The following PLEKHH2 variants were observed in gnomAD, a reference collection of about 807,000 sequenced individuals.
PLEKHH2 encodes the protein pleckstrin homology domain-containing family H member 2.
Under a neutral mutation model 187.9 loss-of-function variants are expected in PLEKHH2, and 129 were observed. The observed-to-expected ratio is 0.69, with a 90% confidence interval of 0.59 to 0.79. The LOEUF is 0.79. Among genes scored for constraint, PLEKHH2 ranks in the 30% least tolerant of loss-of-function variants. The pLI is 0.00. For synonymous variants in PLEKHH2, 686 were observed against 605.6 expected, an observed-to-expected ratio of 1.13 and a Z score of -1.95; for missense variants, 2,076 against 1,751.2, an observed-to-expected ratio of 1.19 and a Z score of -3.31.
chr2:43,694,589 TTACTC>T, intron 5 of PLEKHH2, 75 bp downstream of exon 5: 2 of 1,405,732 alleles, frequency 1.4e-6, no homozygotes, highest in Non-Finnish European at 1.9e-6. Context: ...GAATATGTGA[TTACTC>T]TGAGTAAAAC....
chr2:43,696,794 T>C (rs1373989866), intron 6 of PLEKHH2, among the ~76,000 whole-genome samples: 2 of 152,182 alleles, frequency 1.3e-5, no homozygotes, highest in East Asian at 1.9e-4. Flanking sequence ...CACAGTGGCA[T>C]ACTGTGCAAA....
intron 21 of PLEKHH2, 130 bp downstream of exon 21, chr2:43,741,173 C>A: frequency 1.4e-6 from 1 of 736,116 alleles, no homozygotes; most frequent in Non-Finnish European, 2.0e-6. Context: ...TACAGGAAGC[C>A]TTTGGTTATC....
chr2:43,731,430 A>AT (rs1671030935), intron 18 of PLEKHH2, 60 bp from the exon 19 acceptor site: 7 of 1,129,326 alleles, frequency 6.2e-6, no homozygotes, highest in African/African-American at 1.6e-5. Context: ...GATTAATTTA[A>AT]TAAGAGGCCA....
intron 16 of PLEKHH2, among the ~76,000 whole-genome samples, chr2:43,723,908 C>T (rs1331998432): frequency 6.6e-6 from 1 of 152,084 alleles, no homozygotes; most frequent in Non-Finnish European, 1.5e-5. Context: ...TGCAGTAATC[C>T]AGGTGAGAGG....
intron 15 of PLEKHH2, among the ~76,000 whole-genome samples, chr2:43,713,552 T>A (rs1028192571): frequency 3.3e-5 from 5 of 152,118 alleles, no homozygotes; most frequent in Admixed American, 6.5e-5. Context: ...GAGTGCAGTA[T>A]TACATTATTA....
chr2:43,709,931 T>A, intron 11 of PLEKHH2, 59 bp from the exon 12 acceptor site: 1 of 1,472,494 alleles, frequency 6.8e-7, no homozygotes, highest in Non-Finnish European at 9.2e-7. Flanking sequence ...CACTCAGAGC[T>A]GGTGTTTGGC....
At chr2:43,730,789 C>G (rs139662462) in intron 18 of PLEKHH2, among the ~76,000 whole-genome samples, 276 of 152,310 alleles carry the variant, frequency 1.8e-3, no homozygotes, top group African/African-American at 6.3e-3. Flanking sequence ...ATTTTATTTG[C>G]TGTGTCCAAC....
chr2:43,742,284 G>A (rs1408035737), intron 21 of PLEKHH2, among the ~76,000 whole-genome samples: 2 of 151,918 alleles, frequency 1.3e-5, no homozygotes, highest in Non-Finnish European at 2.9e-5. Flanking sequence ...TTACAGGCAT[G>A]AGCCACCATG....
intron 14 of PLEKHH2, chr2:43,711,035 G>C (rs1669939335): frequency 1.0e-6 from 1 of 990,834 alleles, no homozygotes; most frequent in South Asian, 4.6e-5. Context: ...GGTGAGCAGA[G>C]GGAGTGTGCT....
chr2:43,638,804 T>A (rs1260006195), intron 1 of PLEKHH2, among the ~76,000 whole-genome samples: 1 of 98,690 alleles, frequency 1.0e-5, no homozygotes, highest in African/African-American at 4.1e-5. Flanking sequence ...CAACAGTTGC[T>A]TTGTACTTGT....
intron 18 of PLEKHH2, among the ~76,000 whole-genome samples, chr2:43,730,107 A>G (rs1391644831): frequency 6.6e-6 from 1 of 152,148 alleles, no homozygotes; most frequent in East Asian, 1.9e-4. Flanking sequence ...TGCTTCATCA[A>G]TGTTAAAATT....
chr2:43,666,506 A>G (rs1667223832), intron 2 of PLEKHH2, among the ~76,000 whole-genome samples: 1 of 151,994 alleles, frequency 6.6e-6, no homozygotes, highest in Admixed American at 6.5e-5. Flanking sequence ...CCCCCAACAT[A>G]TGTTTAACTT....
At chr2:43,703,940 T>C in intron 8 of PLEKHH2, 41 bp from the exon 9 acceptor site, 8 of 452,058 alleles carry the variant, frequency 1.8e-5, no homozygotes, top group South Asian at 8.0e-5. Flanking sequence ...TTTTTTTTTT[T>C]TGCTTTAAAT....
At chr2:43,670,415 T>C (rs1574506326) in intron 2 of PLEKHH2, among the ~76,000 whole-genome samples, 2 of 152,300 alleles carry the variant, frequency 1.3e-5, no homozygotes, top group South Asian at 2.1e-4. Flanking sequence ...AGTAGGGAGA[T>C]TGTAGTATGT....
intron 8 of PLEKHH2, among the ~76,000 whole-genome samples, chr2:43,703,108 C>T (rs1303968078): frequency 6.6e-6 from 1 of 152,214 alleles, no homozygotes; most frequent in African/African-American, 2.4e-5. Flanking sequence ...CCCTGATAGT[C>T]GGAGAACTCA....
intron 3 of PLEKHH2, chr2:43,680,761 G>A (rs934319307): frequency 6.0e-5 from 23 of 383,696 alleles, no homozygotes; most frequent in East Asian, 2.0e-4. Flanking sequence ...TGTGGCAGCC[G>A]TACAAAGTTT....
At chr2:43,730,541 G>C (rs1006333810) in intron 18 of PLEKHH2, among the ~76,000 whole-genome samples, 9 of 152,172 alleles carry the variant, frequency 5.9e-5, no homozygotes, top group African/African-American at 2.2e-4. Flanking sequence ...TGGGACCACA[G>C]GCATGCACCA....
At chr2:43,747,922 T>G (rs1671844423) in intron 24 of PLEKHH2, among the ~76,000 whole-genome samples, 1 of 152,248 alleles carries the variant, frequency 6.6e-6, no homozygotes, top group Admixed American at 6.5e-5. Context: ...CCCACAGAAA[T>G]ATGCAGATAA....
chr2:43,687,890 A>T (rs1668599323), intron 3 of PLEKHH2, among the ~76,000 whole-genome samples: 2 of 151,726 alleles, frequency 1.3e-5, no homozygotes, highest in South Asian at 2.1e-4. Flanking sequence ...TTGACCTCTC[A>T]GGCTCAAGTG....
Sources: gnomAD v4.1 joint callset for allele counts (sites outside exome capture counted in the v4.1 genomes callset) on GRCh38, gnomAD v4.1.1 for gene constraint, MANE v1.5 for transcripts, NCBI Gene and HGNC (gene_info 2026-07-23, HGNC 2026-07-21) for gene names.